The following BRCA1 variants were observed in gnomAD, a reference collection of about 807,000 sequenced individuals.
The protein encoded by BRCA1 is BRCA1 DNA repair associated, also known as breast cancer type 1 susceptibility protein.
Under a neutral mutation model 173.7 loss-of-function variants are expected in BRCA1, and 140 were observed. That is an observed-to-expected ratio of 0.81 (90% CI 0.70 to 0.93). The LOEUF (loss-of-function observed/expected upper bound fraction) is 0.93, where lower values mean the gene tolerates loss of function less well. Among genes scored for constraint, BRCA1 ranks in the 40% least tolerant of loss-of-function variants. BRCA1 has a pLI of 0.00. For missense variants in BRCA1, 1,983 were observed against 2,172.5 expected (o/e 0.91, Z 1.73); for synonymous variants, 662 against 756.0 (o/e 0.88, Z 2.04).
chr17:43,132,776 T>G (rs937697343), intron 1 of BRCA1: 1 of 151,340 alleles, frequency 6.6e-6, no homozygotes, highest in Non-Finnish European at 1.5e-5. Flanking sequence ...TTTTATTTTT[T>G]TTTTTGAGAT....
chr17:43,125,184 A>G (rs777691131), intron 1 of BRCA1, 87 bp downstream of exon 1: 5 of 440,550 alleles, frequency 1.1e-5, no homozygotes, highest in South Asian at 7.8e-5. Flanking sequence ...AAGAATACCC[A>G]TCTGTCAGCT....
At chr17:43,139,305 A>G (rs1372181305) in intron 1 of BRCA1, among the ~76,000 whole-genome samples, 2 of 149,476 alleles carry the variant, frequency 1.3e-5, no homozygotes, top group Non-Finnish European at 1.5e-5. Flanking sequence ...CTTGTGTCAC[A>G]TGGGTTTGTT....
chr17:43,057,078 G>T lies in BRCA1; in HGVS notation c.5251C>A (p.Arg1751=), dbSNP rs80357123. The change falls in exon 19 of 23, where the codon CGA becomes AGA. Residue 1751 remains arginine (R), a synonymous_variant. Transcript: ENST00000357654. ...TTTCTGTCCTGGGATTCTCTTGCTC[G>T]CTTTGGACCTTGGTGGTTTCTTCCA... ...VNGRNHQGPK[R]ARESQDRKIF... 1 of 1,613,918 alleles carries T rather than the reference G, an allele frequency of 6.2e-7. No homozygotes were observed. The highest frequency in any genetic ancestry group is 1.3e-5 in the African/African-American group (1 of 74,904).
At chr17:43,102,692 G>T (rs1459042966) in intron 6 of BRCA1, among the ~76,000 whole-genome samples, 1 of 149,152 alleles carries the variant, frequency 6.7e-6, no homozygotes, top group African/African-American at 2.5e-5. Flanking sequence ...TTGCTTTGCC[G>T]CCCACGCTGA....
At chr17:43,114,711 T>C (rs1232949364) in intron 3 of BRCA1, among the ~76,000 whole-genome samples, 2 of 152,102 alleles carry the variant, frequency 1.3e-5, no homozygotes, top group African/African-American at 4.8e-5. Flanking sequence ...TTTGTGCTAA[T>C]AAACTTTTTA....
chr17:43,044,785 C>A lies in BRCA1; in HGVS notation c.*893G>T, dbSNP rs749377369. 1 of 465,152 alleles carries A rather than the reference C, an allele frequency of 2.1e-6. No homozygotes were observed. The highest frequency in any genetic ancestry group is 6.6e-4 in the Middle Eastern group (1 of 1,516). The allele number at this position is 465,152 out of a possible 1,614,324, so 28.8% of individuals were successfully genotyped here. A position where few individuals can be genotyped will look rare whatever the true frequency, so the allele number is the denominator to read the frequency against. On this transcript the variant is annotated 3_prime_UTR_variant, in exon 23 of 23. Transcript: ENST00000357654. The stretch of plus-strand genomic sequence containing the variant: ...AAATATATCTCAGACTTTTAGAAAT[C>A]TCTTCTAGTTTCATTTTCCTTTTTT...
At chr17:43,051,269 A>C (rs1232644676) in intron 19 of BRCA1, 152 bp from the exon 20 acceptor site, 1 of 734,564 alleles carries the variant, frequency 1.4e-6, no homozygotes, top group Non-Finnish European at 2.4e-6. Context: ...TTCTGCTGCT[A>C]CTTCCCAGGG....
chr17:43,055,091 G>A (rs2153230983), intron 19 of BRCA1, among the ~76,000 whole-genome samples: 2 of 152,246 alleles, frequency 1.3e-5, no homozygotes, highest in Middle Eastern at 6.8e-3. Context: ...CTTGAAAAAG[G>A]AAGAAAAGCA....
chr17:43,112,723 TGA>T lies in BRCA1; in HGVS notation c.134+3001_134+3002del, dbSNP rs55820479. The stretch of plus-strand genomic sequence containing the variant: ...GGTTCTTTCCTGACTATCACAATCC[TGA>T]CTATCACAAGCTTGAAACCAAGCTT... On this transcript the variant is annotated intron_variant, in intron 3 of 22. Transcript: ENST00000357654. The T allele has an allele frequency of 0.45, 68,179 of 151,774 alleles. 17,029 individuals carry two copies. Among genetic ancestry groups the T allele is most frequent in the African/African-American group, 0.68 (28,131 of 41,362 alleles). 9.4% of individuals were successfully genotyped at this position (151,774 alleles called of 1,614,324 possible).
chr17:43,117,178 A>T (rs2055334495), intron 2 of BRCA1, among the ~76,000 whole-genome samples: 1 of 152,222 alleles, frequency 6.6e-6, no homozygotes, highest in Non-Finnish European at 1.5e-5. Context: ...ATGGTGCCTC[A>T]TGCCTGTAAT....
At chr17:43,126,264 C>G (rs1337096703), upstream of BRCA1, among the ~76,000 whole-genome samples, 2 of 152,312 alleles carry the variant, frequency 1.3e-5, no homozygotes, top group Admixed American at 1.3e-4. Flanking sequence ...TCGACGCAAT[C>G]GCCACCAGTC....
At chr17:43,088,402 A>C (rs1437301040) in intron 11 of BRCA1, among the ~76,000 whole-genome samples, 1 of 151,788 alleles carries the variant, frequency 6.6e-6, no homozygotes, top group Non-Finnish European at 1.5e-5. Context: ...TTGTGGAGCA[A>C]GGCTTATCTA....
chr17:43,093,449 G>A lies in BRCA1; in HGVS notation c.2082C>T (p.Ser694=), dbSNP rs1799949. 0.34 allele frequency: 542,412 copies of A among 1,613,688 alleles called. 93,409 individuals are homozygous for A. Among genetic ancestry groups the A allele is most frequent in the South Asian group, 0.5 (45,439 of 91,060 alleles). The change falls in exon 10 of 23, where the codon AGC becomes AGT. Residue 694 remains serine (S), a synonymous_variant. Transcript: ENST00000357654. ...TTAACTTCAGCTCTGGGAAAGTATC[G>A]CTGTCATGTCTTTTACTTGTCTGTT... ...PNEQTSKRHD[S]DTFPELKLTN... is the part of the protein sequence containing the mutation.
rs2153836536 is a variant in BRCA1 at position 43,071,096 on chromosome 17, T to A, written c.4818A>T (p.Lys1606Asn). The A allele has an allele frequency of 6.2e-7, 1 of 1,614,154 alleles. No individual in the cohort carries two copies. Among genetic ancestry groups the A allele is most frequent in the South Asian group, 1.1e-5 (1 of 91,076 alleles). ...STSALKVPQL[K>N]VAESAQSPAA... ...CTGGACTCTGGGCAGATTCTGCAAC[T>A]TTCAATTGGGGAACTTTCAATGCAG... The change falls in exon 15 of 23, where the codon AAA becomes AAT. Residue 1606 changes from lysine (K) to asparagine (N), a missense_variant. Transcript: ENST00000357654.
chr17:43,051,215 A>G (rs976922512), intron 19 of BRCA1, 98 bp from the exon 20 acceptor site: 12 of 1,163,968 alleles, frequency 1.0e-5, no homozygotes, highest in Non-Finnish European at 1.4e-5. Flanking sequence ...CAGACTTTCA[A>G]AAAGGAAGAG....
chr17:43,106,555 A>G (rs1240099693), intron 3 of BRCA1, 22 bp from the exon 4 acceptor site: 1 of 1,522,220 alleles, frequency 6.6e-7, no homozygotes, highest in East Asian at 2.3e-5. Flanking sequence ...AAAGAAAGAA[A>G]GAACAATTTA....
At position 43,086,349 on chromosome 17, in the gene BRCA1, A is replaced by T. The variant is rs1318776226; in HGVS notation, c.4186-3774T>A. 3.9e-5 allele frequency among the ~76,000 whole-genome samples: 6 copies of T among 152,230 alleles called. No homozygotes were observed. The South Asian group carries it at 8.3e-4, about 21-fold the overall frequency. On this transcript the variant is annotated intron_variant, in intron 11 of 22. Transcript: ENST00000357654. ...TTTATTAATGAGAAGATAAATTAATAAATAAGTATAGTTAATCAGTCTTCT... is the reference window on the plus strand; with the variant it reads ...TTTATTAATGAGAAGATAAATTAATTAATAAGTATAGTTAATCAGTCTTCT...
chr17:43,100,632 T>TTA (rs1325492180), intron 6 of BRCA1, among the ~76,000 whole-genome samples: 1,261 of 43,182 alleles, frequency 0.029, 176 homozygotes, highest in African/African-American at 0.18. Flanking sequence ...TATATATATG[T>TTA]TATATATATA....
intron 3 of BRCA1, chr17:43,110,496 G>T: frequency 2.5e-6 from 1 of 401,324 alleles, no homozygotes; most frequent in South Asian, 1.8e-5. Context: ...TGAGGTGATA[G>T]GATCGCTTGA....
Sources: allele counts gnomAD v4.1 joint callset (sites outside exome capture counted in the v4.1 genomes callset), GRCh38; gene constraint gnomAD v4.1.1; transcripts MANE v1.5; gene names NCBI Gene and HGNC (gene_info 2026-07-23, HGNC 2026-07-21).